YLPM1: variants seen among roughly 807,000 people sequenced by gnomAD.
YLPM1 encodes YLP motif containing 1.
YLPM1 carries 99 observed loss-of-function variants against 230.0 expected under a neutral mutation model. The ratio of observed to expected loss-of-function variants is 0.43; its 90% CI spans 0.37 to 0.51. YLPM1 has a LOEUF of 0.51. YLPM1 is among the 20% of genes least tolerant of loss of function. The pLI, the probability that YLPM1 is intolerant of heterozygous loss-of-function variation, is 0.00. For missense variants in YLPM1, 2,592 were observed against 2,707.7 expected (o/e 0.96, Z 0.95); for synonymous variants, 984 against 942.5 (o/e 1.04, Z -0.81).
intron 18 of YLPM1, chr14:74,828,040 G>A (rs2091579511): frequency 1.0e-6 from 1 of 981,690 alleles, no homozygotes; most frequent in Non-Finnish European, 1.2e-6. Context: ...GGGGGCTTAG[G>A]AACAAAAAAC....
intron 4 of YLPM1, among the ~76,000 whole-genome samples, chr14:74,784,034 A>G (rs1594816303): frequency 1.3e-5 from 2 of 152,214 alleles, no homozygotes; most frequent in African/African-American, 2.4e-5. Flanking sequence ...ATTCAAGCCT[A>G]TACTGTCAGT....
chr14:74,810,383 G>A lies in YLPM1; in HGVS notation c.5191G>A (p.Asp1731Asn). The change falls in exon 9 of 21, where the codon GAT (aspartate) becomes AAT (asparagine). Residue 1731 changes from aspartate to asparagine, a missense_variant. This residue lies in a region of YLPM1 where 403 missense variants were observed against 426.7 expected (regional missense o/e 0.94). Coordinates refer to ENST00000325680, the MANE Select transcript of YLPM1 (RefSeq NM_019589.3). ...TCGTGGTGTTATTGACTATGACCGG[G>A]ATCGATTTGACAGAGAACGCCGACC... ...RDRGVIDYDR[D>N]RFDRERRPRD... is the part of the protein sequence containing the mutation. The A allele has an allele frequency of 6.2e-7, 1 of 1,613,592 alleles. No homozygotes were observed. Among genetic ancestry groups the A allele is most frequent in the Admixed American group, 1.7e-5 (1 of 59,984 alleles).
chr14:74,771,154 A>G (rs1386736473), intron 1 of YLPM1, among the ~76,000 whole-genome samples: 4 of 152,198 alleles, frequency 2.6e-5, no homozygotes, highest in East Asian at 3.8e-4. Flanking sequence ...GGAGAAAATC[A>G]TGAGTTAGGT....
chr14:74,815,107 C>A (rs967168149), intron 11 of YLPM1, among the ~76,000 whole-genome samples: 1 of 152,136 alleles, frequency 6.6e-6, no homozygotes, highest in Non-Finnish European at 1.5e-5. Flanking sequence ...TCACTATTGC[C>A]CAGGCTGGGG....
chr14:74,813,437 A>G (rs1200670322), intron 11 of YLPM1, among the ~76,000 whole-genome samples: 5 of 150,284 alleles, frequency 3.3e-5, no homozygotes, highest in Admixed American at 2.0e-4. Context: ...TTTTCCATTC[A>G]GGTTCCCTTT....
In YLPM1 at chr14:74,763,644, G is replaced by C; in HGVS notation, c.155G>C (p.Ser52Thr). The C allele has an allele frequency of 6.3e-7, 1 of 1,589,466 alleles. No individual in the cohort carries two copies. Among genetic ancestry groups the C allele is most frequent in the East Asian group, 2.4e-5 (1 of 42,492 alleles). ...GCCCCCTCCTCCTCGGGCTTCATGA[G>C]CTTCCGCGAACAGCACTTGGCGCAG... is the stretch of plus-strand genomic sequence containing the variant. ...PAAPSSSGFM[S>T]FREQHLAQLQ... Residue 52 changes from serine (S) to threonine (T), a missense_variant, in exon 1 of 21, where the codon AGC (serine) becomes ACC (threonine). By Grantham distance (58) the Ser-to-Thr change is moderately conservative. This residue lies in a region of YLPM1 where 1,862 missense variants were observed against 1,819.8 expected (regional missense o/e 1.02). Transcript: ENST00000325680.
intron 9 of YLPM1, among the ~76,000 whole-genome samples, chr14:74,810,692 T>A (rs1445585396): frequency 6.6e-6 from 1 of 150,658 alleles, no homozygotes; most frequent in African/African-American, 2.5e-5. Context: ...AGGCAAGCAA[T>A]TTATTTTTGC....
intron 1 of YLPM1, among the ~76,000 whole-genome samples, chr14:74,764,837 G>C (rs185428493): frequency 6.6e-4 from 101 of 152,274 alleles, no homozygotes; most frequent in Middle Eastern, 3.4e-3. Context: ...AGGGATAGTT[G>C]TCAGCTTCCT....
intron 2 of YLPM1, among the ~76,000 whole-genome samples, chr14:74,779,406 A>G (rs568034688): frequency 1.3e-5 from 2 of 152,132 alleles, no homozygotes; most frequent in Non-Finnish European, 1.5e-5. Flanking sequence ...GGTATATTCA[A>G]TAGTAGCTAT....
At chr14:74,831,934 A>G (rs7144654) in intron 19 of YLPM1, among the ~76,000 whole-genome samples, 72,895 of 152,024 alleles carry the variant, frequency 0.48, 17,863 homozygotes, top group Non-Finnish European at 0.54. Flanking sequence ...TACTTTTAAA[A>G]TATTTGCTTG....
intron 11 of YLPM1, among the ~76,000 whole-genome samples, chr14:74,814,610 A>C (rs756201877): frequency 1.3e-5 from 2 of 152,210 alleles, no homozygotes; most frequent in Non-Finnish European, 2.9e-5. Flanking sequence ...CCACTTGATC[A>C]TGGTGTGTAA....
intron 5 of YLPM1, among the ~76,000 whole-genome samples, chr14:74,802,183 A>G (rs1205424730): frequency 6.8e-6 from 1 of 147,810 alleles, no homozygotes; most frequent in Non-Finnish European, 1.5e-5. Context: ...GCGCCATTGC[A>G]CTCCAGCCCA....
At position 74,764,339 on chromosome 14, in the gene YLPM1, G is replaced by C. The variant is rs1290794438; in HGVS notation, c.850G>C (p.Asp284His). Residue 284 changes from aspartate to histidine, a missense_variant, in exon 1 of 21, where the codon GAT becomes CAT. Transcript: ENST00000325680. Reference sequence around the variant, plus strand: ...ACAGCAGCAAGCCGCCCCTGAGCCAGATCCCTCTACGATGACTCCACAGGT... The same window carrying C: ...ACAGCAGCAAGCCGCCCCTGAGCCACATCCCTCTACGATGACTCCACAGGT... The part of the protein sequence containing the change: ...TEQQQAAPEP[D>H]PSTMTPQEQQ... 1 of 1,611,870 alleles carries C rather than the reference G, an allele frequency of 6.2e-7. No individual in the cohort carries two copies. The highest frequency in any genetic ancestry group is 8.5e-7 in the Non-Finnish European group (1 of 1,178,852).
intron 1 of YLPM1, among the ~76,000 whole-genome samples, chr14:74,765,777 G>T (rs556241057): frequency 2.0e-5 from 3 of 152,116 alleles, no homozygotes; most frequent in Non-Finnish European, 4.4e-5. Flanking sequence ...AATATGTATA[G>T]TTACCATGAA....
intron 11 of YLPM1, among the ~76,000 whole-genome samples, chr14:74,814,292 C>T (rs1048025759): frequency 4.6e-5 from 7 of 152,104 alleles, no homozygotes; most frequent in Admixed American, 3.9e-4. Flanking sequence ...ACCCAGGAGG[C>T]GGAGCTTGCA....
At chr14:74,814,517 G>A (rs1037338576) in intron 11 of YLPM1, among the ~76,000 whole-genome samples, 6 of 152,280 alleles carry the variant, frequency 3.9e-5, no homozygotes, top group East Asian at 1.9e-4. Flanking sequence ...TGAGATGATC[G>A]TGTGATTTTG....
chr14:74,781,988 G>C lies in YLPM1; in HGVS notation c.1945G>C (p.Ala649Pro). 6.2e-7 allele frequency: 1 copy of C among 1,613,684 alleles called. No homozygotes were observed. Residue 649 changes from alanine (A) to proline (P), a missense_variant, in exon 4 of 21, where the codon GCC (alanine) becomes CCC (proline). Physicochemically the swap from Ala to Pro is conservative, Grantham distance 27 (BLOSUM62 -1). This residue lies in a region of YLPM1 where 1,862 missense variants were observed against 1,819.8 expected (regional missense o/e 1.02). Coordinates refer to ENST00000325680, the MANE Select transcript of YLPM1 (RefSeq NM_019589.3). ...PQGIPPQLTAAPVPPASSSQS... is the reference protein window; with the variant it reads ...PQGIPPQLTAPPVPPASSSQS... ...AGGGATACCTCCTCAGTTAACAGCA[G>C]CCCCAGTTCCACCAGCCTCCAGTTC...
chr14:74,821,187 TAAAG>T (rs1346434063), intron 17 of YLPM1, 50 bp downstream of exon 17: 13 of 1,512,726 alleles, frequency 8.6e-6, no homozygotes, highest in Admixed American at 4.7e-5. Context: ...TTAAAATTCT[TAAAG>T]AAGGTTTAAA....
intron 4 of YLPM1, among the ~76,000 whole-genome samples, chr14:74,786,846 A>G (rs1275405453): frequency 5.3e-5 from 8 of 152,226 alleles, no homozygotes; most frequent in Admixed American, 5.2e-4. Context: ...TATAGAGTAT[A>G]TACATGTTCT....
Sources: gnomAD v4.1 joint callset for allele counts (sites outside exome capture counted in the v4.1 genomes callset) on GRCh38, gnomAD v4.1.1 for gene constraint, gnomAD v4.1.1 regional missense constraint, MANE v1.5 for transcripts, NCBI Gene and HGNC (gene_info 2026-07-23, HGNC 2026-07-21) for gene names.